AGAP1: variants seen among roughly 807,000 people sequenced by gnomAD.
The protein encoded by AGAP1 is ArfGAP with GTPase domain, ankyrin repeat and PH domain 1, also known as arf-GAP with GTPase, ANK repeat and PH domain-containing protein 1.
In AGAP1, 29 loss-of-function variants were observed where a neutral mutation model predicts 105.3. The observed-to-expected ratio is 0.28, with a 90% CI of 0.21 to 0.38. The LOEUF (loss-of-function observed/expected upper bound fraction) is 0.38, where lower values mean the gene tolerates loss of function less well. Ranked by LOEUF, AGAP1 falls within the 10% of genes least tolerant of loss-of-function variation. The pLI, the probability that AGAP1 is intolerant of heterozygous loss-of-function variation, is 1.00. For synonymous variants in AGAP1, 509 were observed against 485.9 expected, an observed-to-expected ratio of 1.05 and a Z score of -0.63; for missense variants, 998 against 1,165.1, an observed-to-expected ratio of 0.86 and a Z score of 2.09.
At position 235,553,899 on chromosome 2, in the gene AGAP1, C is replaced by T. The variant is rs374718433; in HGVS notation, c.163+59050C>T. 2.0e-5 allele frequency among the ~76,000 whole-genome samples: 3 copies of T among 152,356 alleles called. No homozygotes were observed. Among genetic ancestry groups the T allele is most frequent in the East Asian group, 1.9e-4 (1 of 5,182 alleles). ...AAGGATCCCGAAGCACGGTTGCCTC[C>T]GCCTCCCACCCCACCCCGTGGTGCG... is the stretch of plus-strand genomic sequence containing the variant. On this transcript the variant is annotated intron_variant, in intron 1 of 17. Transcript: ENST00000304032. The surrounding 1 kb of genome is among the most constrained non-coding windows in gnomAD (Gnocchi z 4.5).
intron 11 of AGAP1, among the ~76,000 whole-genome samples, chr2:235,923,774 G>T (rs139906420): frequency 1.6e-3 from 246 of 152,310 alleles, no homozygotes; most frequent in African/African-American, 5.6e-3. Flanking sequence ...GTTATGAGCA[G>T]TGCTGCTCTG....
At chr2:235,782,051 C>T (rs1329538785) in intron 6 of AGAP1, among the ~76,000 whole-genome samples, 8 of 152,178 alleles carry the variant, frequency 5.3e-5, no homozygotes, top group Admixed American at 1.3e-4. Context: ...CCTAGTTTAA[C>T]TGGACAGCAG....
At position 235,930,881 on chromosome 2, in the gene AGAP1, T is replaced by C. The variant is rs768145226; in HGVS notation, c.1441T>C (p.Trp481Arg). The C allele has an allele frequency of 6.2e-7, 1 of 1,614,090 alleles. No homozygotes were observed. The highest frequency in any genetic ancestry group is 1.7e-5 in the Admixed American group (1 of 60,028). The change falls in exon 12 of 18, where the codon TGG (tryptophan) becomes CGG (arginine). Residue 481 changes from tryptophan (W) to arginine (R), a missense_variant. Physicochemically the swap from Trp to Arg is moderately radical, Grantham distance 101 (BLOSUM62 -3). Transcript: ENST00000304032. This position sits in a 1 kb window ranked among gnomAD's most constrained non-coding sequence, Gnocchi z 7.9. ...RSYSVSSADQ[W>R]SEATVIANSA... ...CTACTCAGTCTCCAGTGCCGACCAG[T>C]GGAGTGAGGCTACGGTCATTGCAAA...
At chr2:235,840,467 T>A (rs1481759883) in intron 9 of AGAP1, among the ~76,000 whole-genome samples, 2 of 152,222 alleles carry the variant, frequency 1.3e-5, no homozygotes, top group Non-Finnish European at 2.9e-5. Context: ...TACTTCTCCC[T>A]TTAGAAGCCA....
At position 236,001,645 on chromosome 2, in the gene AGAP1, C is replaced by CCGAGAG; in HGVS notation, c.1645+33025_1645+33030dup. ...AGGCCAGGGCCGGGAGACCAGGAGG[C>CCGAGAG]CGAGAGCGGTAGAACGTCACATCCT... On this transcript the variant is annotated intron_variant, in intron 13 of 17. Coordinates refer to ENST00000304032, the MANE Select transcript of AGAP1 (RefSeq NM_001037131.3). This position sits in a 1 kb window ranked among gnomAD's most constrained non-coding sequence, Gnocchi z 4.7. Among the ~76,000 whole-genome samples the CCGAGAG allele has an allele frequency of 6.6e-6, 1 of 152,114 alleles. No homozygotes were observed. The highest frequency in any genetic ancestry group is 6.5e-5 in the Admixed American group (1 of 15,272).
intron 11 of AGAP1, among the ~76,000 whole-genome samples, chr2:235,923,744 G>A (rs1001059633): frequency 5.9e-5 from 9 of 152,166 alleles, no homozygotes; most frequent in African/African-American, 2.2e-4. Context: ...GGACAGTGCC[G>A]TCATTCCCAG....
At chr2:235,848,386 A>T (rs1350159809) in intron 9 of AGAP1, among the ~76,000 whole-genome samples, 1 of 152,244 alleles carries the variant, frequency 6.6e-6, no homozygotes, top group African/African-American at 2.4e-5. Context: ...ATAAGGAACA[A>T]GGTCCTACTC....
chr2:235,823,335 G>T (rs561755664), intron 9 of AGAP1, among the ~76,000 whole-genome samples: 1 of 151,728 alleles, frequency 6.6e-6, no homozygotes, highest in Non-Finnish European at 1.5e-5. Flanking sequence ...CCACCTCCCC[G>T]TATCACCCAG....
In AGAP1 at chr2:236,001,590, A is replaced by G. The variant is rs10196731; in HGVS notation, c.1645+32967A>G. On this transcript the variant is annotated intron_variant, in intron 13 of 17. Coordinates refer to ENST00000304032, the MANE Select transcript of AGAP1 (RefSeq NM_001037131.3). The surrounding 1 kb of genome is among the most constrained non-coding windows in gnomAD (Gnocchi z 4.7). ...AGCAGAGCTGGCAGGACTTGCTGAAAGAGTTAATATGGGAAGTGAGAGGAC... is the reference window on the plus strand; with the variant it reads ...AGCAGAGCTGGCAGGACTTGCTGAAGGAGTTAATATGGGAAGTGAGAGGAC... 0.29 allele frequency among the ~76,000 whole-genome samples: 43,845 copies of G among 151,960 alleles called. 8,735 individuals are homozygous for G. The highest frequency in any genetic ancestry group is 0.56 in the African/African-American group (23,314 of 41,384).
chr2:235,912,717 T>C (rs1359553887), intron 11 of AGAP1, among the ~76,000 whole-genome samples: 1 of 152,240 alleles, frequency 6.6e-6, no homozygotes, highest in East Asian at 1.9e-4. Flanking sequence ...ATTTCCAAAT[T>C]AACTTCTAAA....
intron 1 of AGAP1, among the ~76,000 whole-genome samples, chr2:235,510,448 T>TG (rs1157244271): frequency 6.6e-6 from 1 of 152,206 alleles, no homozygotes; most frequent in Non-Finnish European, 1.5e-5. Flanking sequence ...ATCCTGTGGA[T>TG]GGATATTGAT....
In AGAP1 at chr2:235,777,070, G is replaced by C. The variant is rs1955930409; in HGVS notation, c.674-20689G>C. The stretch of plus-strand genomic sequence containing the variant: ...CAGAGAAACGAGGAAGTATTAGACA[G>C]AAGTGATGCTGGGCGCGGTGGCTCA... On this transcript the variant is annotated intron_variant, in intron 6 of 17. Transcript: ENST00000304032. The surrounding 1 kb of genome is among the most constrained non-coding windows in gnomAD (Gnocchi z 5.1). 1 of 471,044 alleles carries C rather than the reference G, an allele frequency of 2.1e-6. No individual in the cohort carries two copies. The highest frequency in any genetic ancestry group is 2.3e-5 in the Admixed American group (1 of 42,572). The allele number at this position is 471,044 out of a possible 1,614,324, so 29.2% of individuals were successfully genotyped here. A position where few individuals can be genotyped will look rare whatever the true frequency, so the allele number is the denominator to read the frequency against.
chr2:235,497,272 C>T (rs1464898967), intron 1 of AGAP1, among the ~76,000 whole-genome samples: 1 of 152,130 alleles, frequency 6.6e-6, no homozygotes, highest in African/African-American at 2.4e-5. Flanking sequence ...TTTCTGTCTC[C>T]ACACTGCATG....
chr2:235,670,426 G>T (rs757622958), intron 1 of AGAP1: 3 of 557,464 alleles, frequency 5.4e-6, no homozygotes, highest in African/African-American at 2.0e-5. Context: ...GGCGGCTCCG[G>T]CCGTGCGCAC....
At chr2:235,986,192 G>A (rs2055308167) in intron 13 of AGAP1, among the ~76,000 whole-genome samples, 1 of 152,030 alleles carries the variant, frequency 6.6e-6, no homozygotes, top group Non-Finnish European at 1.5e-5. Flanking sequence ...CACATCCCTT[G>A]TTAGTTGTAT....
intron 1 of AGAP1, among the ~76,000 whole-genome samples, chr2:235,587,892 C>T (rs1945173651): frequency 6.6e-6 from 1 of 152,096 alleles, no homozygotes. Flanking sequence ...CCGGTCCCTG[C>T]AGCTTCCCAT....
chr2:236,044,560 C>T lies in AGAP1; in HGVS notation c.1891+3719C>T, dbSNP rs988940360. Among the ~76,000 whole-genome samples the T allele has an allele frequency of 5.9e-5, 9 of 152,144 alleles. No individual in the cohort carries two copies. Among genetic ancestry groups the T allele is most frequent in the African/African-American group, 2.2e-4 (9 of 41,412 alleles). ...GCCTTTCTCATGTCTAGAATCCTGC[C>T]TTATTTCCCTTTGTGAACCCCAGGC... On this transcript the variant is annotated intron_variant, in intron 15 of 17. Transcript: ENST00000304032. This position sits in a 1 kb window ranked among gnomAD's most constrained non-coding sequence, Gnocchi z 5.7.
chr2:235,725,924 G>A lies in AGAP1; in HGVS notation c.310+8280G>A, dbSNP rs751231019. Among the ~76,000 whole-genome samples, 18 of 152,110 alleles carry A rather than the reference G, an allele frequency of 1.2e-4. No homozygotes were observed. The highest frequency in any genetic ancestry group is 2.5e-4 in the Non-Finnish European group (17 of 68,012). ...TGTTCAAAAAAATAATAAAAGGGAAGCATGTTCTGTTTCATTTTGAGCAAG... is the reference window on the plus strand; with the variant it reads ...TGTTCAAAAAAATAATAAAAGGGAAACATGTTCTGTTTCATTTTGAGCAAG... On this transcript the variant is annotated intron_variant, in intron 3 of 17. Coordinates refer to ENST00000304032, the MANE Select transcript of AGAP1 (RefSeq NM_001037131.3). The surrounding 1 kb of genome is among the most constrained non-coding windows in gnomAD (Gnocchi z 5.7).
chr2:236,074,476 C>G (rs1214070085), intron 16 of AGAP1, among the ~76,000 whole-genome samples: 1 of 152,166 alleles, frequency 6.6e-6, no homozygotes. Context: ...TTAATTTTTA[C>G]AAGCTTAAGC....
Sources: allele counts gnomAD v4.1 joint callset (sites outside exome capture counted in the v4.1 genomes callset), GRCh38; gene constraint gnomAD v4.1.1; non-coding constraint Gnocchi (gnomAD v3.1); transcripts MANE v1.5; gene names NCBI Gene and HGNC (gene_info 2026-07-23, HGNC 2026-07-21).